Variants in UBTD1 observed in about 807,000 individuals in gnomAD.
UBTD1 encodes ubiquitin domain containing 1.
In UBTD1, 19 loss-of-function variants were observed where a neutral mutation model predicts 21.7. The observed-to-expected ratio is 0.87, with a 90% CI of 0.61 to 1.28. The LOEUF is 1.28. Among genes scored for constraint, UBTD1 ranks in the 50% most tolerant of loss-of-function variants. UBTD1 has a pLI of 0.00. For missense variants in UBTD1, 282 were observed against 315.1 expected (o/e 0.89, Z 0.80); for synonymous variants, 116 against 135.1 (o/e 0.86, Z 0.98).
chr10:97,501,596 A>AAAAAACAAAAC (rs1213836145), intron 1 of UBTD1, among the ~76,000 whole-genome samples: 7 of 152,170 alleles, frequency 4.6e-5, no homozygotes, highest in African/African-American at 7.2e-5. Flanking sequence ...CTGTCTCAAA[A>AAAAAACAAAAC]AAAAACAAAA....
intron 1 of UBTD1, among the ~76,000 whole-genome samples, chr10:97,526,203 T>G (rs2040487554): frequency 6.6e-6 from 1 of 152,210 alleles, no homozygotes; most frequent in African/African-American, 2.4e-5. Context: ...CAAGCACTCT[T>G]GTGCACTGCT....
intron 1 of UBTD1, among the ~76,000 whole-genome samples, chr10:97,554,753 T>G (rs1201220670): frequency 6.6e-6 from 1 of 152,046 alleles, no homozygotes; most frequent in East Asian, 1.9e-4. Flanking sequence ...GTGGTCTTGC[T>G]TTGTTGCCCA....
chr10:97,499,262 G>A lies in UBTD1; in HGVS notation c.59G>A (p.Arg20His). The A allele has an allele frequency of 6.5e-7, 1 of 1,548,478 alleles. No individual in the cohort carries two copies. Among genetic ancestry groups the A allele is most frequent in the Admixed American group, 2.0e-5 (1 of 50,706 alleles). The change falls in exon 1 of 3, where the codon CGC becomes CAC. Residue 20 changes from arginine (R) to histidine (H), a missense_variant. Coordinates refer to ENST00000370664, the MANE Select transcript of UBTD1 (RefSeq NM_024954.5). ...AGGCCGGCAGCCCCGGGACACCCCC[G>A]CAAGCGAGCAGGTAACGATGGGGAA... The part of the protein sequence containing the change: ...RERPAAPGHP[R>H]KRAGRNEPLK...
chr10:97,550,934 C>G (rs1291426549), intron 1 of UBTD1, among the ~76,000 whole-genome samples: 1 of 152,226 alleles, frequency 6.6e-6, no homozygotes, highest in Non-Finnish European at 1.5e-5. Context: ...GTAGTGCCCT[C>G]TTGCTCTCTT....
intron 2 of UBTD1, among the ~76,000 whole-genome samples, chr10:97,569,213 C>T (rs980710502): frequency 5.3e-5 from 8 of 152,212 alleles, no homozygotes; most frequent in South Asian, 2.1e-4. Context: ...GACTGCCTTA[C>T]GACTGTAAAG....
At chr10:97,557,464 C>CT (rs1490932050) in intron 1 of UBTD1, among the ~76,000 whole-genome samples, 2 of 152,024 alleles carry the variant, frequency 1.3e-5, no homozygotes, top group Admixed American at 6.6e-5. Context: ...TAAACAGGAT[C>CT]TTTTTTATCT....
intron 1 of UBTD1, among the ~76,000 whole-genome samples, chr10:97,517,139 A>C (rs2040447989): frequency 6.6e-6 from 1 of 152,010 alleles, no homozygotes; most frequent in South Asian, 2.1e-4. Context: ...TCAGGAGTGG[A>C]AGGGCAAGAG....
intron 1 of UBTD1, among the ~76,000 whole-genome samples, chr10:97,561,509 G>A (rs2040692565): frequency 1.3e-5 from 2 of 152,142 alleles, no homozygotes; most frequent in African/African-American, 4.8e-5. Context: ...TGATTGATTT[G>A]AGCAAGCAGG....
chr10:97,562,202 G>A lies in UBTD1; in HGVS notation c.71-5712G>A, dbSNP rs535294984. Among the ~76,000 whole-genome samples, 62 of 152,258 alleles carry A rather than the reference G, an allele frequency of 4.1e-4. 1 individual carries two copies. The South Asian group carries it at 0.011, about 27-fold the overall frequency. ...GTGGATCACCTGAGGTCATGAGTTC[G>A]AGACCAACCTGGCAACATGGTGAAA... On this transcript the variant is annotated intron_variant, in intron 1 of 2. Coordinates refer to ENST00000370664, the MANE Select transcript of UBTD1 (RefSeq NM_024954.5).
chr10:97,500,726 G>A (rs927829262), intron 1 of UBTD1, among the ~76,000 whole-genome samples: 1 of 151,968 alleles, frequency 6.6e-6, no homozygotes, highest in Non-Finnish European at 1.5e-5. Context: ...TTGGGGGCAC[G>A]CTGGTGCTTA....
chr10:97,530,276 AAGAAATGCATCCTGAGCTGTGCATGGT>A (rs971893519), intron 1 of UBTD1, among the ~76,000 whole-genome samples: 1 of 152,204 alleles, frequency 6.6e-6, no homozygotes, highest in Non-Finnish European at 1.5e-5. Flanking sequence ...TCTTTATTAT[AAGAAATGCATCCTGAGCTGTGCATGGT>A]GGCTTACACC....
chr10:97,499,400 C>T (rs984142112), intron 1 of UBTD1, 127 bp downstream of exon 1: 11 of 1,227,176 alleles, frequency 9.0e-6, no homozygotes, highest in South Asian at 1.8e-5. Context: ...TGGGCTGCTC[C>T]GCAGCCAGAG....
intron 1 of UBTD1, among the ~76,000 whole-genome samples, chr10:97,545,214 G>A (rs1246997205): frequency 1.1e-4 from 16 of 151,840 alleles, no homozygotes; most frequent in South Asian, 2.1e-4. Context: ...GGTGGTAGGC[G>A]CCTGTAGTCC....
In UBTD1 at chr10:97,499,003, T is replaced by C. The variant is rs1335525129; in HGVS notation, c.-201T>C. 3 of 587,488 alleles carry C rather than the reference T, an allele frequency of 5.1e-6. No individual in the cohort carries two copies. Among genetic ancestry groups the C allele is most frequent in the East Asian group, 6.6e-5 (2 of 30,458 alleles). 36.4% of individuals were successfully genotyped at this position (587,488 alleles called of 1,614,324 possible). On this transcript the variant is annotated 5_prime_UTR_variant, in exon 1 of 3. Coordinates refer to ENST00000370664, the MANE Select transcript of UBTD1 (RefSeq NM_024954.5). ...CTGGCCCGGCCACCTGGGACCGTGC[T>C]GGGGAGTCTGCCACTTCCCTCTCTC...
At chr10:97,519,283 C>T (rs2040457219) in intron 1 of UBTD1, among the ~76,000 whole-genome samples, 1 of 152,196 alleles carries the variant, frequency 6.6e-6, no homozygotes, top group South Asian at 2.1e-4. Context: ...TGCTTGGAGT[C>T]CCCCTACCAG....
chr10:97,499,246 G>A lies in UBTD1; in HGVS notation c.43G>A (p.Ala15Thr), dbSNP rs373690104. Residue 15 changes from alanine (A) to threonine (T), a missense_variant, in exon 1 of 3, where the codon GCC (alanine) becomes ACC (threonine). By Grantham distance (58) the Ala-to-Thr change is moderately conservative (BLOSUM62 0). Transcript: ENST00000370664. ...GAGACAGCGCCGGGAGAGGCCGGCAGCCCCGGGACACCCCCGCAAGCGAGC... is the reference window on the plus strand; with the variant it reads ...GAGACAGCGCCGGGAGAGGCCGGCAACCCCGGGACACCCCCGCAAGCGAGC... ...VGRQRRERPA[A>T]PGHPRKRAGR... 637 of 1,548,522 alleles carry A rather than the reference G, an allele frequency of 4.1e-4. No individual in the cohort carries two copies. Among genetic ancestry groups the A allele is most frequent in the Non-Finnish European group, 5.2e-4 (592 of 1,145,836 alleles).
chr10:97,508,629 G>A (rs1298056515), intron 1 of UBTD1, among the ~76,000 whole-genome samples: 1 of 152,002 alleles, frequency 6.6e-6, no homozygotes, highest in Non-Finnish European at 1.5e-5. Flanking sequence ...CAGCTGTGAA[G>A]TCTGCAAAAC....
intron 1 of UBTD1, among the ~76,000 whole-genome samples, chr10:97,514,965 AT>A (rs1194192111): frequency 1.1e-4 from 16 of 152,226 alleles, no homozygotes; most frequent in African/African-American, 3.9e-4. Context: ...GGCCTCGTGC[AT>A]AGGATCTGGC....
intron 1 of UBTD1, among the ~76,000 whole-genome samples, chr10:97,565,071 T>A (rs1337227971): frequency 6.6e-6 from 1 of 152,178 alleles, no homozygotes; most frequent in Non-Finnish European, 1.5e-5. Context: ...CTAAAACATA[T>A]AAAACCAAGC....
Sources: allele counts gnomAD v4.1 joint callset (sites outside exome capture counted in the v4.1 genomes callset), GRCh38; gene constraint gnomAD v4.1.1; transcripts MANE v1.5; gene names NCBI Gene and HGNC (gene_info 2026-07-23, HGNC 2026-07-21).